PCDHGA3: variants seen among roughly 807,000 people sequenced by gnomAD.
The protein encoded by PCDHGA3 is protocadherin gamma subfamily A, 3.
A neutral mutation model predicts 58.5 loss-of-function variants in PCDHGA3; 40 were observed. That is an observed-to-expected ratio of 0.68 (90% CI 0.53 to 0.89). The LOEUF (loss-of-function observed/expected upper bound fraction) is 0.89, where lower values mean the gene tolerates loss of function less well. PCDHGA3 is among the 40% of genes least tolerant of loss of function. PCDHGA3 has a pLI of 0.00. For synonymous variants in PCDHGA3, 530 were observed against 525.7 expected, an observed-to-expected ratio of 1.01 and a Z score of -0.11; for missense variants, 1,223 against 1,195.9, an observed-to-expected ratio of 1.02 and a Z score of -0.33.
chr5:141,374,042 C>T (rs757758510), intron 1 of PCDHGA3: 1 of 1,460,408 alleles, frequency 6.8e-7, no homozygotes, highest in Admixed American at 2.7e-5. Context: ...CAGATCTGTT[C>T]TTCCTCTTCT....
intron 1 of PCDHGA3, chr5:141,468,497 C>T (rs1033597673): frequency 2.0e-5 from 3 of 152,074 alleles, no homozygotes; most frequent in Non-Finnish European, 4.4e-5. Context: ...GGAAGATTTT[C>T]ATGTGGACAA....
intron 1 of PCDHGA3, among the ~76,000 whole-genome samples, chr5:141,466,268 T>A (rs568525260): frequency 6.6e-6 from 1 of 152,150 alleles, no homozygotes; most frequent in Non-Finnish European, 1.5e-5. Context: ...CCTCGTGAGC[T>A]CAAGCAATCT....
chr5:141,419,177 C>G (rs1223789288), intron 1 of PCDHGA3: 3 of 1,613,980 alleles, frequency 1.9e-6, no homozygotes, highest in Non-Finnish European at 2.5e-6. Flanking sequence ...AACCATAACC[C>G]TGCACATTAC....
intron 1 of PCDHGA3, chr5:141,422,654 C>T: frequency 1.2e-6 from 2 of 1,610,030 alleles, no homozygotes; most frequent in Non-Finnish European, 1.7e-6. Flanking sequence ...TTCTCAGTGA[C>T]CGCCCTCGAC....
At chr5:141,416,124 AT>A (rs1297389183) in intron 1 of PCDHGA3, 1 of 154,644 alleles carries the variant, frequency 6.5e-6, no homozygotes, top group Non-Finnish European at 1.4e-5. Flanking sequence ...CATTTTATAT[AT>A]TTTTCAATCT....
chr5:141,438,613 TATATATATATATATATATATATAC>T (rs1240061633), intron 1 of PCDHGA3, among the ~76,000 whole-genome samples: 627 of 36,484 alleles, frequency 0.017, 21 homozygotes, highest in African/African-American at 0.051. Flanking sequence ...TATATATATA[TATATATATATATATATATATATAC>T]ACACACACAC....
At chr5:141,409,036 C>T in intron 1 of PCDHGA3, 1 of 1,614,020 alleles carries the variant, frequency 6.2e-7, no homozygotes, top group Non-Finnish European at 8.5e-7. Context: ...CTGAGATAAA[C>T]TACTACTTCC....
chr5:141,356,098 G>A (rs762147149), intron 1 of PCDHGA3: 3 of 1,613,902 alleles, frequency 1.9e-6, no homozygotes, highest in Admixed American at 1.7e-5. Context: ...TCTGAGTGGG[G>A]ATATAACAAT....
chr5:141,352,344 T>A, intron 1 of PCDHGA3: 1 of 1,614,064 alleles, frequency 6.2e-7, no homozygotes, highest in East Asian at 2.2e-5. Flanking sequence ...TTGGCCTTGA[T>A]CTCAGTGCTC....
intron 2 of PCDHGA3, among the ~76,000 whole-genome samples, chr5:141,501,200 G>A (rs888856586): frequency 1.3e-5 from 2 of 151,854 alleles, no homozygotes; most frequent in African/African-American, 4.8e-5. Context: ...AATTCAGGGT[G>A]TTGTCAGGGT....
At chr5:141,366,899 C>A in intron 1 of PCDHGA3, 1 of 1,196,082 alleles carries the variant, frequency 8.4e-7, no homozygotes, top group Non-Finnish European at 1.1e-6. Flanking sequence ...ATAATTCATG[C>A]TTTCTCCATT....
At chr5:141,470,112 G>T (rs1186184232) in intron 1 of PCDHGA3, among the ~76,000 whole-genome samples, 1 of 152,104 alleles carries the variant, frequency 6.6e-6, no homozygotes, top group Non-Finnish European at 1.5e-5. Flanking sequence ...CTGAGCAACA[G>T]AGCAAGACTT....
chr5:141,361,112 A>C, intron 1 of PCDHGA3: 1 of 1,613,908 alleles, frequency 6.2e-7, no homozygotes, highest in East Asian at 2.2e-5. Flanking sequence ...GATCCTGGAG[A>C]TCTAGCAGCC....
intron 1 of PCDHGA3, chr5:141,361,429 CT>C (rs1482973199): frequency 6.2e-6 from 10 of 1,613,948 alleles, no homozygotes; most frequent in Non-Finnish European, 8.5e-6. Context: ...CAAGCCGCCC[CT>C]CTCCTCCAGC....
At position 141,415,600 on chromosome 5, in the gene PCDHGA3, C is replaced by G. The variant is rs778987183; in HGVS notation, c.2424+69143C>G. ...TTCGAAGTTTCCTATAGAGGATACC[C>G]CATTGGTTCCAGTGAGTTTTATTTT... On this transcript the variant is annotated intron_variant, in intron 1 of 3. Coordinates refer to ENST00000253812, the MANE Select transcript of PCDHGA3 (RefSeq NM_018916.4). 24 of 1,613,588 alleles carry G rather than the reference C, an allele frequency of 1.5e-5. No individual in the cohort carries two copies. In the Middle Eastern group the frequency reaches 1.2e-3, roughly 77 times the overall value.
chr5:141,430,967 G>A lies in PCDHGA3; in HGVS notation c.2425-63840G>A, dbSNP rs746992307. 5 of 1,613,256 alleles carry A rather than the reference G, an allele frequency of 3.1e-6. No individual in the cohort carries two copies. In the East Asian group the frequency reaches 6.7e-5, roughly 22 times the overall value. On this transcript the variant is annotated intron_variant, in intron 1 of 3. Coordinates refer to ENST00000253812, the MANE Select transcript of PCDHGA3 (RefSeq NM_018916.4). ...GCGCGGAGTCCGCATCATCCCCAGA[G>A]GTAGGACGCAGCTTTTCGCCCTGAA... is the stretch of plus-strand genomic sequence containing the variant.
In PCDHGA3 at chr5:141,356,455, A is replaced by G; in HGVS notation, c.2424+9998A>G. 2 of 1,613,402 alleles carry G rather than the reference A, an allele frequency of 1.2e-6. No homozygotes were observed. Among genetic ancestry groups the G allele is most frequent in the Non-Finnish European group, 1.7e-6 (2 of 1,179,560 alleles). Reference sequence around the variant, plus strand: ...GGACAGGGAAGAAGTCTCAGAATATAACATCACTGTAACTGCCACTGACCA... The same window carrying G: ...GGACAGGGAAGAAGTCTCAGAATATGACATCACTGTAACTGCCACTGACCA... On this transcript the variant is annotated intron_variant, in intron 1 of 3. Transcript: ENST00000253812.
chr5:141,478,179 A>C, intron 1 of PCDHGA3: 1 of 1,613,996 alleles, frequency 6.2e-7, no homozygotes, highest in Non-Finnish European at 8.5e-7. Context: ...GAGCAGAAAA[A>C]AAATCTCACC....
chr5:141,507,570 G>A (rs562674847), intron 3 of PCDHGA3, among the ~76,000 whole-genome samples: 1 of 152,366 alleles, frequency 6.6e-6, no homozygotes, highest in South Asian at 2.1e-4. Flanking sequence ...CTGGGTCTGA[G>A]GAGATGCCAA....
Sources: allele counts gnomAD v4.1 joint callset (sites outside exome capture counted in the v4.1 genomes callset), GRCh38; gene constraint gnomAD v4.1.1; transcripts MANE v1.5; gene names NCBI Gene and HGNC (gene_info 2026-07-23, HGNC 2026-07-21).